Variants in INO80D observed in about 807,000 individuals in gnomAD.
The protein encoded by INO80D is INO80 complex subunit D.
A neutral mutation model predicts 87.6 loss-of-function variants in INO80D; 21 were observed. The ratio of observed to expected loss-of-function variants is 0.24; its 90% CI spans 0.17 to 0.35. The LOEUF (loss-of-function observed/expected upper bound fraction) is 0.35, where lower values mean the gene tolerates loss of function less well. Ranked by LOEUF, INO80D falls within the 10% of genes least tolerant of loss-of-function variation. The pLI is 1.00. For missense variants in INO80D, 982 were observed against 1,280.7 expected (o/e 0.77, Z 3.56); for synonymous variants, 440 against 491.0 (o/e 0.90, Z 1.37).
At chr2:206,017,896 T>C in intron 7 of INO80D, 83 bp from the exon 8 acceptor site, 4 of 1,218,170 alleles carry the variant, frequency 3.3e-6, no homozygotes, top group Non-Finnish European at 4.6e-6. Context: ...TTCCCTTACA[T>C]TTCATAAGTA....
At chr2:206,034,622 C>T (rs1179659128) in intron 5 of INO80D, among the ~76,000 whole-genome samples, 1 of 150,812 alleles carries the variant, frequency 6.6e-6, no homozygotes, top group Non-Finnish European at 1.5e-5. Flanking sequence ...CTATAACAAA[C>T]CCACAGCCAA....
intron 8 of INO80D, among the ~76,000 whole-genome samples, chr2:206,010,083 A>ACACACACACG (rs142314785): frequency 0.077 from 11,598 of 151,116 alleles, 632 homozygotes; most frequent in Admixed American, 0.18. Flanking sequence ...ACACACACAC[A>ACACACACACG]CACGCACACA....
chr2:206,049,086 A>C (rs1412836057), intron 4 of INO80D, among the ~76,000 whole-genome samples: 2 of 152,196 alleles, frequency 1.3e-5, no homozygotes, highest in African/African-American at 4.8e-5. Context: ...CTCAAAAATC[A>C]AGAGTATCCT....
intron 1 of INO80D, among the ~76,000 whole-genome samples, chr2:206,065,064 C>T (rs369707907): frequency 2.0e-5 from 3 of 152,052 alleles, no homozygotes; most frequent in South Asian, 2.1e-4. Context: ...TCACCCCATA[C>T]GAAAATCAAC....
chr2:206,007,988 G>A (rs1688071155), intron 9 of INO80D: 1 of 146,518 alleles, frequency 6.8e-6, no homozygotes, highest in African/African-American at 2.5e-5. Flanking sequence ...TGTCTTCTAG[G>A]TTTTTTTTTT....
chr2:206,037,570 T>A (rs1035372061), intron 5 of INO80D, among the ~76,000 whole-genome samples: 1 of 152,198 alleles, frequency 6.6e-6, no homozygotes, highest in African/African-American at 2.4e-5. Context: ...CACAAAAAGA[T>A]AACAAGTAAA....
At chr2:206,051,767 G>T (rs1689377377) in intron 4 of INO80D, among the ~76,000 whole-genome samples, 1 of 151,978 alleles carries the variant, frequency 6.6e-6, no homozygotes, top group African/African-American at 2.4e-5. Context: ...TCCCAAAGTG[G>T]TAAGATTACT....
intron 8 of INO80D, among the ~76,000 whole-genome samples, chr2:206,012,884 A>AAAC (rs1297720251): frequency 6.6e-6 from 1 of 151,238 alleles, no homozygotes; most frequent in African/African-American, 2.4e-5. Flanking sequence ...AAAAAAAAAA[A>AAAC]AAACCAGAGC....
At position 206,000,106 on chromosome 2, in the gene INO80D, C is replaced by T. The variant is rs980979807; in HGVS notation, c.*4262G>A. ...TTCTTTCAAGGAATCCTCTAAATTG[C>T]CTCATTAAACTGGAGAGTTCTGTTG... On this transcript the variant is annotated 3_prime_UTR_variant, in exon 11 of 11. Transcript: ENST00000403263. 1 of 151,986 alleles carries T rather than the reference C, an allele frequency of 6.6e-6. No homozygotes were observed. Among genetic ancestry groups the T allele is most frequent in the Non-Finnish European group, 1.5e-5 (1 of 68,012 alleles). 9.4% of individuals were successfully genotyped at this position (151,986 alleles called of 1,614,324 possible).
intron 5 of INO80D, among the ~76,000 whole-genome samples, chr2:206,036,022 A>G (rs374994798): frequency 5.0e-4 from 76 of 152,326 alleles, no homozygotes; most frequent in African/African-American, 1.7e-3. Flanking sequence ...GGGAAATGCA[A>G]ATCAAAACCA....
Position 206,004,541 on chromosome 2 carries a change from G to T in INO80D, c.2911C>A (p.Gln971Lys). 1 of 1,611,116 alleles carries T rather than the reference G, an allele frequency of 6.2e-7. No homozygotes were observed. The highest frequency in any genetic ancestry group is 8.5e-7 in the Non-Finnish European group (1 of 1,178,684). ...AAGGCTGCGCTGAACTGAGGGAGTT[G>T]CTGCTTGGGAGAGGTGGAGGCCATT... ...ELMASTSPKQ[Q>K]LPQFSAAFGH... is the part of the protein sequence containing the mutation. Residue 971 changes from glutamine to lysine, a missense_variant, in exon 11 of 11, where the codon CAA (glutamine) becomes AAA (lysine). By Grantham distance (53) the Gln-to-Lys change is moderately conservative. Coordinates refer to ENST00000403263, the MANE Select transcript of INO80D (RefSeq NM_017759.5). The surrounding 1 kb of genome is among the most constrained non-coding windows in gnomAD (Gnocchi z 4.9).
chr2:206,017,375 C>T (rs1444649778), intron 8 of INO80D, among the ~76,000 whole-genome samples: 1 of 152,132 alleles, frequency 6.6e-6, no homozygotes, highest in Non-Finnish European at 1.5e-5. Context: ...GCAATAATTA[C>T]ATTCAATAGA....
intron 1 of INO80D, among the ~76,000 whole-genome samples, chr2:206,072,751 A>G (rs768543775): frequency 6.6e-6 from 1 of 152,166 alleles, no homozygotes; most frequent in African/African-American, 2.4e-5. Context: ...CTATTCCACA[A>G]TAATATCAAA....
intron 5 of INO80D, among the ~76,000 whole-genome samples, chr2:206,037,008 G>A (rs1476231962): frequency 6.6e-6 from 1 of 152,132 alleles, no homozygotes; most frequent in Non-Finnish European, 1.5e-5. Context: ...TGCTGATGAA[G>A]AGTAGAGAAT....
At chr2:206,007,627 G>C (rs911766826) in intron 9 of INO80D, among the ~76,000 whole-genome samples, 186 bp from the exon 10 acceptor site, 2 of 152,126 alleles carry the variant, frequency 1.3e-5, no homozygotes, top group East Asian at 3.9e-4. Flanking sequence ...TTCGAGATCA[G>C]CCTGGTCAAC....
chr2:206,008,826 T>C (rs1373801089), intron 9 of INO80D, among the ~76,000 whole-genome samples: 1 of 152,232 alleles, frequency 6.6e-6, no homozygotes, highest in African/African-American at 2.4e-5. Flanking sequence ...TGCTTTTTAG[T>C]AGAATTTCAA....
intron 6 of INO80D, among the ~76,000 whole-genome samples, chr2:206,024,319 G>T (rs1280736372): frequency 6.6e-6 from 1 of 152,144 alleles, no homozygotes; most frequent in East Asian, 1.9e-4. Context: ...CAATGAAACA[G>T]AGTACAGAGC....
At chr2:206,050,496 G>GAAAAAAAAAA (rs3079265) in intron 4 of INO80D, among the ~76,000 whole-genome samples, 3 of 99,544 alleles carry the variant, frequency 3.0e-5, no homozygotes, top group African/African-American at 4.8e-5. Flanking sequence ...CGTCTCAAAA[G>GAAAAAAAAAA]AAAAAAAAAA....
chr2:206,021,880 C>G (rs534185969), intron 6 of INO80D, among the ~76,000 whole-genome samples: 4 of 152,054 alleles, frequency 2.6e-5, no homozygotes, highest in Admixed American at 2.6e-4. Flanking sequence ...TCCCAAAGTG[C>G]TGGGATTACT....
Sources: gnomAD v4.1 joint callset for allele counts (sites outside exome capture counted in the v4.1 genomes callset) on GRCh38, gnomAD v4.1.1 for gene constraint, Gnocchi (gnomAD v3.1) non-coding constraint, MANE v1.5 for transcripts, NCBI Gene and HGNC (gene_info 2026-07-23, HGNC 2026-07-21) for gene names.